PHLDB1: variants seen among roughly 807,000 people sequenced by gnomAD.
PHLDB1 encodes pleckstrin homology-like domain family B member 1.
Under a neutral mutation model 139.3 loss-of-function variants are expected in PHLDB1, and 65 were observed. The observed-to-expected ratio is 0.47, with a 90% CI of 0.38 to 0.57. The LOEUF is 0.57. Ranked by LOEUF, PHLDB1 falls within the 20% of genes least tolerant of loss-of-function variation. PHLDB1 has a pLI of 0.00. For missense variants in PHLDB1, 1,624 were observed against 1,839.7 expected (o/e 0.88, Z 2.14); for synonymous variants, 679 against 734.5 (o/e 0.92, Z 1.22).
At chr11:118,631,710 T>TGGC (rs1475738262) in intron 7 of PHLDB1, among the ~76,000 whole-genome samples, 5 of 152,144 alleles carry the variant, frequency 3.3e-5, no homozygotes, top group Admixed American at 2.0e-4. Context: ...CACCCAGGCC[T>TGGC]GGCACTCAGT....
In PHLDB1 at chr11:118,613,874, G is replaced by A. The variant is rs1565390207; in HGVS notation, c.38G>A (p.Cys13Tyr). 6.2e-7 allele frequency: 1 copy of A among 1,610,694 alleles called. No individual in the cohort carries two copies. The highest frequency in any genetic ancestry group is 1.7e-5 in the Admixed American group (1 of 59,938). ...ALNRNQIGPG[C>Y]QTQTMVQKGP... The stretch of plus-strand genomic sequence containing the variant: ...AATAGGAACCAAATAGGCCCTGGAT[G>A]CCAGACCCAGACCATGGTGCAGGTG... The change falls in exon 2 of 23, where the codon TGC becomes TAC. Residue 13 changes from cysteine to tyrosine, a missense_variant. Coordinates refer to ENST00000600882, the MANE Select transcript of PHLDB1 (RefSeq NM_001144758.3).
chr11:118,652,719 C>T (rs1565505693), intron 20 of PHLDB1: 1 of 152,452 alleles, frequency 6.6e-6, no homozygotes, highest in Non-Finnish European at 1.5e-5. Flanking sequence ...GAGGGCCGAA[C>T]CCTGGGGCAG....
At chr11:118,630,008 G>T in intron 6 of PHLDB1, 1 of 1,285,804 alleles carries the variant, frequency 7.8e-7, no homozygotes, top group Non-Finnish European at 1.0e-6. Flanking sequence ...CAGCCTCCCA[G>T]GTGCCGAGGC....
chr11:118,639,317 A>G, intron 12 of PHLDB1, 66 bp downstream of exon 12: 2 of 1,181,880 alleles, frequency 1.7e-6, no homozygotes, highest in South Asian at 1.2e-5. Context: ...TGAGTAACAC[A>G]TGGCACTTTC....
At chr11:118,622,813 G>T (rs1037336752) in intron 4 of PHLDB1, among the ~76,000 whole-genome samples, 2 of 152,214 alleles carry the variant, frequency 1.3e-5, no homozygotes, top group Admixed American at 1.3e-4. Flanking sequence ...TAGGTGGACA[G>T]TGTGGTTGGC....
At chr11:118,626,092 A>G (rs1555100941) in intron 5 of PHLDB1, among the ~76,000 whole-genome samples, 1 of 152,118 alleles carries the variant, frequency 6.6e-6, no homozygotes, top group Non-Finnish European at 1.5e-5. Flanking sequence ...GCATGGCTTA[A>G]TGGGATAATT....
chr11:118,625,411 C>G (rs1223123714), intron 5 of PHLDB1, among the ~76,000 whole-genome samples: 2 of 152,214 alleles, frequency 1.3e-5, no homozygotes, highest in Non-Finnish European at 2.9e-5. Context: ...CAGAAGGAAG[C>G]ATTAGGTTGA....
Position 118,643,905 on chromosome 11 carries a change from AGC to A in PHLDB1, c.2985_2986del (p.Val996GlyfsTer6). The A allele has an allele frequency of 6.2e-7, 1 of 1,609,222 alleles. No individual in the cohort carries two copies. Among genetic ancestry groups the A allele is most frequent in the Non-Finnish European group, 8.5e-7 (1 of 1,177,808 alleles). On this transcript the variant is annotated frameshift_variant, in exon 14 of 23. Coordinates refer to ENST00000600882, the MANE Select transcript of PHLDB1 (RefSeq NM_001144758.3). LOFTEE classifies it high-confidence loss of function. ...SGSSSSSSQLSVATLGRSPSP... is the reference protein window; with the variant it reads ...SGSSSSSSQLXVATLGRSPSP... ...CTCTTCCTCCTCCTCCTCCCAGCTC[AGC>A]GTGGCTACCCTGGGGCGTAGCCCCT...
At chr11:118,615,913 C>A in intron 3 of PHLDB1, 128 bp from the exon 4 acceptor site, 1 of 740,764 alleles carries the variant, frequency 1.3e-6, no homozygotes. Flanking sequence ...GTAGGGGTGG[C>A]CAGTGGTGGG....
intron 4 of PHLDB1, chr11:118,624,004 A>G (rs1446666813): frequency 1.3e-5 from 2 of 151,622 alleles, no homozygotes; most frequent in East Asian, 1.9e-4. Context: ...GATTCAAGCA[A>G]TTCTCTTGCC....
Position 118,631,494 on chromosome 11 carries a change from T to C in PHLDB1, c.2100+15T>C. On this transcript the variant is annotated intron_variant, in intron 7 of 22. Transcript: ENST00000600882. ...CCCAGCAGGAGGTGAGATGGAGGGG[T>C]AGGCAAGACAAAGAGGCTGAAGTTG... 2.1e-6 allele frequency: 3 copies of C among 1,408,488 alleles called. No homozygotes were observed. Among genetic ancestry groups the C allele is most frequent in the South Asian group, 1.8e-5 (1 of 56,426 alleles). 87.2% of individuals were successfully genotyped at this position (1,408,488 alleles called of 1,614,324 possible). A position where few individuals can be genotyped will look rare whatever the true frequency, so the allele number is the denominator to read the frequency against.
chr11:118,656,331 C>T (rs115531373), intron 22 of PHLDB1, among the ~76,000 whole-genome samples: 79 of 152,230 alleles, frequency 5.2e-4, no homozygotes, highest in African/African-American at 1.8e-3. Flanking sequence ...TTCTGTCTGC[C>T]GCTGTTTTGC....
intron 4 of PHLDB1, among the ~76,000 whole-genome samples, chr11:118,622,977 A>G (rs1229257230): frequency 1.3e-5 from 2 of 152,066 alleles, no homozygotes; most frequent in Non-Finnish European, 2.9e-5. Flanking sequence ...TTTATCCACT[A>G]TGGTTATCTG....
rs1444486467 is a variant in PHLDB1 at position 118,650,537 on chromosome 11, C to A, written c.3864C>A (p.Ser1288=). Reference sequence around the variant, plus strand: ...TCGACCGGCTCAAGCGCACCCTTTCCTATTATGTGGGTGAGTTCCCACAAG... The same window carrying A: ...TCGACCGGCTCAAGCGCACCCTTTCATATTATGTGGGTGAGTTCCCACAAG... ...FVFDRLKRTL[S]YYVDKHETKL... is the part of the protein sequence containing the mutation. Residue 1288 remains serine, a synonymous_variant, in exon 20 of 23, where the codon TCC becomes TCA. Coordinates refer to ENST00000600882, the MANE Select transcript of PHLDB1 (RefSeq NM_001144758.3). The surrounding 1 kb of genome is among the most constrained non-coding windows in gnomAD (Gnocchi z 4.7). 2 of 1,612,286 alleles carry A rather than the reference C, an allele frequency of 1.2e-6. No individual in the cohort carries two copies. Among genetic ancestry groups the A allele is most frequent in the Non-Finnish European group, 1.7e-6 (2 of 1,178,334 alleles).
In PHLDB1 at chr11:118,620,989, G is replaced by A. The variant is rs551675771; in HGVS notation, c.356-3945G>A. ...TTGACTTTCTGTAGATAAGGAAGCC[G>A]AGGCCAGAGGGTGTGACTGGCCCAA... is the stretch of plus-strand genomic sequence containing the variant. On this transcript the variant is annotated intron_variant, in intron 4 of 22. Transcript: ENST00000600882. This position sits in a 1 kb window ranked among gnomAD's most constrained non-coding sequence, Gnocchi z 4.1. Among the ~76,000 whole-genome samples the A allele has an allele frequency of 1.6e-4, 24 of 152,222 alleles. 1 individual carries two copies. The highest frequency in any genetic ancestry group is 3.4e-3 in the Middle Eastern group (1 of 294).
rs375264037 is a variant in PHLDB1, at chr11:118,628,032, C to A, written c.1209C>A (p.Pro403=). ...TTGGCACACTCCAGGACCGCCCTCC[C>A]AGCCCTTTCCGTGAGCCTCCAGGCA... ...NKIGTLQDRP[P]SPFREPPGSE... The change falls in exon 6 of 23, where the codon CCC becomes CCA. Residue 403 remains proline, a synonymous_variant. Coordinates refer to ENST00000600882, the MANE Select transcript of PHLDB1 (RefSeq NM_001144758.3). 1.2e-6 allele frequency: 2 copies of A among 1,613,884 alleles called. No homozygotes were observed. Among genetic ancestry groups the A allele is most frequent in the African/African-American group, 2.7e-5 (2 of 74,944 alleles).
At position 118,644,232 on chromosome 11, in the gene PHLDB1, A is replaced by T. The variant is rs782540709; in HGVS notation, c.3121+58A>T. ...CCTGAGGGGACCCTGGGTAGTTGCC[A>T]TGCCTCCTCTATGCTCACACCTTTC... On this transcript the variant is annotated intron_variant, in intron 15 of 22. Transcript: ENST00000600882. 6 of 1,179,250 alleles carry T rather than the reference A, an allele frequency of 5.1e-6. No homozygotes were observed. The Admixed American group carries it at 1.1e-4, about 22-fold the overall frequency. 73.0% of individuals were successfully genotyped at this position (1,179,250 alleles called of 1,614,324 possible).
At position 118,627,400 on chromosome 11, in the gene PHLDB1, A is replaced by G. The variant is rs782275370; in HGVS notation, c.577A>G (p.Ile193Val). 7 of 1,614,050 alleles carry G rather than the reference A, an allele frequency of 4.3e-6. No individual in the cohort carries two copies. The South Asian group carries it at 5.5e-5, about 13-fold the overall frequency. The part of the protein sequence containing the change: ...CASHSSLVSS[I>V]EKDLQEIMDS... The stretch of plus-strand genomic sequence containing the variant: ...CAGCCACAGTTCCCTGGTGAGCTCT[A>G]TTGAGAAGGACCTGCAAGAGATCAT... The change falls in exon 6 of 23, where the codon ATT (isoleucine) becomes GTT (valine). Residue 193 changes from isoleucine (I) to valine (V), a missense_variant. By Grantham distance (29) the Ile-to-Val change is conservative. Coordinates refer to ENST00000600882, the MANE Select transcript of PHLDB1 (RefSeq NM_001144758.3).
chr11:118,650,141 A>G lies in PHLDB1; in HGVS notation c.3719A>G (p.Glu1240Gly), dbSNP rs1948143550. 1.2e-6 allele frequency: 2 copies of G among 1,613,996 alleles called. No individual in the cohort carries two copies. The highest frequency in any genetic ancestry group is 1.7e-5 in the Admixed American group (1 of 60,016). The stretch of plus-strand genomic sequence containing the variant: ...GACTTTGACCTGAAGACACATATTG[A>G]GTCATCGGGCCATGGTGTTGATACC... ...KEDFDLKTHIESSGHGVDTCL... is the reference protein window; with the variant it reads ...KEDFDLKTHIGSSGHGVDTCL... Residue 1240 changes from glutamate to glycine, a missense_variant, in exon 19 of 23, where the codon GAG (glutamate) becomes GGG (glycine). Coordinates refer to ENST00000600882, the MANE Select transcript of PHLDB1 (RefSeq NM_001144758.3). This position sits in a 1 kb window ranked among gnomAD's most constrained non-coding sequence, Gnocchi z 4.7.
Sources: allele counts gnomAD v4.1 joint callset (sites outside exome capture counted in the v4.1 genomes callset), GRCh38; gene constraint gnomAD v4.1.1; non-coding constraint Gnocchi (gnomAD v3.1); transcripts MANE v1.5; gene names NCBI Gene and HGNC (gene_info 2026-07-23, HGNC 2026-07-21).